The following ATRNL1 variants were observed in gnomAD, a reference collection of about 807,000 sequenced individuals.
The protein encoded by ATRNL1 is attractin-like protein 1.
In ATRNL1, 95 loss-of-function variants were observed where a neutral mutation model predicts 182.7. The observed-to-expected ratio is 0.52, with a 90% CI of 0.44 to 0.62. ATRNL1 has a LOEUF of 0.62. ATRNL1 is among the 20% of genes least tolerant of loss of function. ATRNL1 has a pLI of 0.00. For missense variants in ATRNL1, 1,471 were observed against 1,679.5 expected (o/e 0.88, Z 2.17); for synonymous variants, 576 against 568.3 (o/e 1.01, Z -0.19).
chr10:115,348,725 T>G (rs1554940449), intron 19 of ATRNL1, among the ~76,000 whole-genome samples: 1 of 152,172 alleles, frequency 6.6e-6, no homozygotes, highest in African/African-American at 2.4e-5. Flanking sequence ...TATTATAGTG[T>G]TATGAAGAAA....
intron 21 of ATRNL1, among the ~76,000 whole-genome samples, chr10:115,450,655 C>T (rs1847233663): frequency 6.6e-6 from 1 of 152,132 alleles, no homozygotes; most frequent in Admixed American, 6.5e-5. Flanking sequence ...AACATCCAGA[C>T]TCATGGATAG....
chr10:115,595,669 A>G (rs184961119), intron 26 of ATRNL1, among the ~76,000 whole-genome samples: 177 of 152,236 alleles, frequency 1.2e-3, no homozygotes, highest in Non-Finnish European at 2.1e-3. Context: ...TATTTGATTC[A>G]TTTGAGTCTT....
At chr10:115,641,428 G>T (rs1592994241) in intron 26 of ATRNL1, among the ~76,000 whole-genome samples, 1 of 152,264 alleles carries the variant, frequency 6.6e-6, no homozygotes, top group East Asian at 1.9e-4. Context: ...GTCACACATT[G>T]CCCTAGTTAA....
At chr10:115,291,539 A>G (rs1255139893) in intron 15 of ATRNL1, among the ~76,000 whole-genome samples, 2 of 152,142 alleles carry the variant, frequency 1.3e-5, no homozygotes, top group African/African-American at 4.8e-5. Context: ...GGTAATTCCT[A>G]TGTAAATACC....
chr10:115,487,750 G>T (rs1240259790), intron 24 of ATRNL1, among the ~76,000 whole-genome samples: 1 of 152,120 alleles, frequency 6.6e-6, no homozygotes, highest in East Asian at 1.9e-4. Context: ...GCCCTGGCCA[G>T]AACTTCCAAT....
At chr10:115,739,352 T>G (rs1426249128) in intron 27 of ATRNL1, among the ~76,000 whole-genome samples, 2 of 152,230 alleles carry the variant, frequency 1.3e-5, no homozygotes, top group African/African-American at 4.8e-5. Context: ...TAATATCCTT[T>G]ATTGGAAAGT....
chr10:115,866,056 A>G (rs1023765412), intron 28 of ATRNL1, among the ~76,000 whole-genome samples: 3 of 151,962 alleles, frequency 2.0e-5, no homozygotes, highest in Non-Finnish European at 4.4e-5. Context: ...CTAATGCAGC[A>G]TTTGGAGCAA....
intron 26 of ATRNL1, among the ~76,000 whole-genome samples, chr10:115,620,095 G>T (rs75133373): frequency 0.019 from 2,963 of 152,324 alleles, 65 homozygotes; most frequent in East Asian, 0.12. Flanking sequence ...TCTGCAGTCT[G>T]TAGACGTGTG....
intron 26 of ATRNL1, among the ~76,000 whole-genome samples, chr10:115,599,765 A>G (rs1303880202): frequency 1.3e-5 from 2 of 152,104 alleles, no homozygotes; most frequent in Admixed American, 6.5e-5. Flanking sequence ...CCAAACACCC[A>G]CTGTCTACAC....
At chr10:115,759,928 A>G (rs1410129727) in intron 27 of ATRNL1, among the ~76,000 whole-genome samples, 2 of 139,550 alleles carry the variant, frequency 1.4e-5, no homozygotes, top group East Asian at 2.1e-4. Flanking sequence ...TCTTGACCTC[A>G]TGATCTGCCC....
intron 26 of ATRNL1, among the ~76,000 whole-genome samples, chr10:115,623,536 T>C (rs1857907833): frequency 6.6e-6 from 1 of 152,000 alleles, no homozygotes; most frequent in Admixed American, 6.6e-5. Context: ...TTAAAACAAA[T>C]ACAAAAGCTG....
chr10:115,403,257 C>CTTTTTTTTTTTTTT lies in ATRNL1; in HGVS notation c.3269+8511_3269+8524dup, dbSNP rs59256867. ...CTTTATTTTTCCTAATTACTCTCAT[C>CTTTTTTTTTTTTTT]TTTTTTTTTTTTTTTTTTTAGTCTG... is the stretch of plus-strand genomic sequence containing the variant. On this transcript the variant is annotated intron_variant, in intron 20 of 28. Coordinates refer to ENST00000355044, the MANE Select transcript of ATRNL1 (RefSeq NM_207303.4). Among the ~76,000 whole-genome samples, 58 of 107,416 alleles carry CTTTTTTTTTTTTTT rather than the reference C, an allele frequency of 5.4e-4. 4 individuals are homozygous for CTTTTTTTTTTTTTT. The highest frequency in any genetic ancestry group is 2.5e-3 in the African/African-American group (50 of 20,378). 70.5% of individuals were successfully genotyped at this position (107,416 alleles called of 152,430 possible).
chr10:115,569,302 C>G (rs1206459789), intron 26 of ATRNL1, among the ~76,000 whole-genome samples: 2 of 152,008 alleles, frequency 1.3e-5, no homozygotes, highest in African/African-American at 2.4e-5. Flanking sequence ...TGATGTTTTT[C>G]TTTTTCATTG....
At position 115,853,197 on chromosome 10, in the gene ATRNL1, A is replaced by G. The variant is rs191204953; in HGVS notation, c.4018+5206A>G. Among the ~76,000 whole-genome samples the G allele has an allele frequency of 7.2e-5, 11 of 152,220 alleles. No individual in the cohort carries two copies. In the East Asian group the frequency reaches 1.9e-3, roughly 27 times the overall value. ...TAACTTGCTTCTGAGTGGTACCTTG[A>G]TTTATCTTTTCAGTTGCTCAGAGCC... On this transcript the variant is annotated intron_variant, in intron 28 of 28. Transcript: ENST00000355044.
chr10:115,470,403 C>T (rs1848251048), intron 24 of ATRNL1, among the ~76,000 whole-genome samples: 1 of 150,186 alleles, frequency 6.7e-6, no homozygotes. Flanking sequence ...AGAAAAATGC[C>T]ATAAATATTT....
intron 9 of ATRNL1, among the ~76,000 whole-genome samples, chr10:115,223,086 C>T (rs141664351): frequency 1.3e-3 from 205 of 152,212 alleles, no homozygotes; most frequent in African/African-American, 4.6e-3. Flanking sequence ...TCAATACCAG[C>T]CTGGCCAACA....
rs1953340489 is a variant in ATRNL1, at chr10:115,929,752, G to A, written c.4019-14906G>A. 2.6e-5 allele frequency among the ~76,000 whole-genome samples: 4 copies of A among 152,030 alleles called. No homozygotes were observed. The South Asian group carries it at 8.3e-4, about 32-fold the overall frequency. On this transcript the variant is annotated intron_variant, in intron 28 of 28. Transcript: ENST00000355044. ...TCAGCAGTGATTAGGCTACATTATGGGATAATTAGTATGAACTTTTATCTC... is the reference window on the plus strand; with the variant it reads ...TCAGCAGTGATTAGGCTACATTATGAGATAATTAGTATGAACTTTTATCTC...
chr10:115,672,098 A>G (rs1945714500), intron 26 of ATRNL1, among the ~76,000 whole-genome samples: 2 of 152,154 alleles, frequency 1.3e-5, no homozygotes, highest in Admixed American at 6.6e-5. Context: ...ACATAATTGT[A>G]TATAACACAT....
intron 10 of ATRNL1, among the ~76,000 whole-genome samples, chr10:115,260,298 T>C (rs1401267381): frequency 2.0e-5 from 3 of 152,234 alleles, no homozygotes; most frequent in Non-Finnish European, 4.4e-5. Context: ...TGAAACCCTC[T>C]AGCTACCCTT....
Sources: gnomAD v4.1 joint callset for allele counts (sites outside exome capture counted in the v4.1 genomes callset) on GRCh38, gnomAD v4.1.1 for gene constraint, MANE v1.5 for transcripts, NCBI Gene and HGNC (gene_info 2026-07-23, HGNC 2026-07-21) for gene names.